Variants in NFX1 observed in about 807,000 individuals in gnomAD.
The protein encoded by NFX1 is transcriptional repressor NF-X1.
NFX1 carries 69 observed loss-of-function variants against 137.2 expected under a neutral mutation model. That is an observed-to-expected ratio of 0.50 (90% CI 0.41 to 0.61). NFX1 has a LOEUF of 0.61. Ranked by LOEUF, NFX1 falls within the 20% of genes least tolerant of loss-of-function variation. The probability of loss-of-function intolerance (pLI) is 0.00; values close to 1 mark genes in which losing one functional copy is unlikely to be tolerated. For missense variants in NFX1, 1,167 were observed against 1,391.0 expected (o/e 0.84, Z 2.56); for synonymous variants, 495 against 474.1 (o/e 1.04, Z -0.57).
chr9:33,364,465 C>T (rs189451953), intron 20 of NFX1, among the ~76,000 whole-genome samples: 2 of 152,338 alleles, frequency 1.3e-5, no homozygotes, highest in Admixed American at 6.5e-5. Flanking sequence ...GCTATAACAG[C>T]TCTTATTTTT....
intron 6 of NFX1, among the ~76,000 whole-genome samples, chr9:33,311,892 A>G (rs976447107): frequency 3.3e-5 from 5 of 152,122 alleles, no homozygotes; most frequent in African/African-American, 1.2e-4. Context: ...GGGTGACAGA[A>G]CCAGGAGTTG....
At chr9:33,319,178 G>T (rs746771449) in intron 9 of NFX1, 51 bp downstream of exon 9, 1 of 1,500,912 alleles carries the variant, frequency 6.7e-7, no homozygotes, top group Non-Finnish European at 9.2e-7. Context: ...TAAATGGTTG[G>T]CAGCAGTGAG....
At chr9:33,316,610 A>G (rs982015705) in intron 7 of NFX1, among the ~76,000 whole-genome samples, 1 of 152,168 alleles carries the variant, frequency 6.6e-6, no homozygotes, top group Non-Finnish European at 1.5e-5. Context: ...GGCCATGTAA[A>G]TAGTTTATCT....
Position 33,347,098 on chromosome 9 carries a change from G to C in NFX1, c.2405G>C (p.Trp802Ser), listed in dbSNP as rs749254119. The C allele has an allele frequency of 2.5e-6, 4 of 1,612,894 alleles. No individual in the cohort carries two copies. The highest frequency in any genetic ancestry group is 1.6e-4 in the Middle Eastern group (1 of 6,084). The change falls in exon 15 of 24, where the codon TGG becomes TCG. Residue 802 changes from tryptophan (W) to serine (S), a missense_variant. By Grantham distance (177) the Trp-to-Ser change is radical (BLOSUM62 -3). This residue lies in a region of NFX1 where 488 missense variants were observed against 691.5 expected (regional missense o/e 0.71). Coordinates refer to ENST00000379540, the MANE Select transcript of NFX1 (RefSeq NM_002504.6). ...CPPCTFLTQKWCMGKHEFRSN... is the reference protein window; with the variant it reads ...CPPCTFLTQKSCMGKHEFRSN... The stretch of plus-strand genomic sequence containing the variant: ...CCTTGCACTTTCCTAACTCAGAAGT[G>C]GTGCATGGGCAAGCATGAGGTAAGT...
chr9:33,312,432 A>C (rs1256115091), intron 6 of NFX1, among the ~76,000 whole-genome samples: 1 of 152,272 alleles, frequency 6.6e-6, no homozygotes, highest in Admixed American at 6.5e-5. Flanking sequence ...CAAGCTGATC[A>C]TTTATGTACA....
Position 33,290,731 on chromosome 9 carries a change from G to A in NFX1, c.25+134G>A, listed in dbSNP as rs368105486. On this transcript the variant is annotated intron_variant, in intron 1 of 23. Coordinates refer to ENST00000379540, the MANE Select transcript of NFX1 (RefSeq NM_002504.6). ...AGGGCGTAGGATAGTGGCTCGGAAG[G>A]GCCAAGCCCCGCGCATCGTGCGTAC... The A allele has an allele frequency of 6.9e-5, 56 of 815,022 alleles. No homozygotes were observed. In the East Asian group the frequency reaches 8.9e-4, roughly 13 times the overall value. 50.5% of individuals were successfully genotyped at this position (815,022 alleles called of 1,614,324 possible).
intron 7 of NFX1, among the ~76,000 whole-genome samples, chr9:33,315,949 C>G (rs1222752709): frequency 1.3e-5 from 2 of 151,696 alleles, no homozygotes; most frequent in Non-Finnish European, 2.9e-5. Flanking sequence ...GTGGGATCCA[C>G]GAAAACCAGT....
At chr9:33,331,289 TC>T (rs767188893) in intron 10 of NFX1, among the ~76,000 whole-genome samples, 1 of 152,386 alleles carries the variant, frequency 6.6e-6, no homozygotes, top group East Asian at 1.9e-4. Flanking sequence ...AAGTGAGTTT[TC>T]TAGATAAATA....
intron 15 of NFX1, among the ~76,000 whole-genome samples, chr9:33,348,978 A>C (rs532387317): frequency 3.3e-5 from 5 of 152,288 alleles, no homozygotes; most frequent in Admixed American, 3.3e-4. Flanking sequence ...AACATGCTAT[A>C]TTCTTTTATC....
At chr9:33,297,240 C>G (rs1412425784) in intron 2 of NFX1, among the ~76,000 whole-genome samples, 2 of 152,216 alleles carry the variant, frequency 1.3e-5, no homozygotes, top group African/African-American at 2.4e-5. Flanking sequence ...TGGACCTTCA[C>G]TATCTTAATC....
chr9:33,294,804 C>T lies in NFX1; in HGVS notation c.410C>T (p.Ser137Leu), dbSNP rs781481115. The change falls in exon 2 of 24, where the codon TCG becomes TTG. Residue 137 changes from serine to leucine, a missense_variant. Physicochemically the swap from Ser to Leu is moderately radical, Grantham distance 145. Around this residue, in one of 3 missense-constraint regions of NFX1, gnomAD observed 367 missense variants for 386.7 expected, o/e 0.95. Transcript: ENST00000379540. ...QTSDTAGLES[S>L]TRSESGTDLR... ...TCAGATACAGCTGGATTAGAGAGCT[C>T]GACCAGATCAGAGAGTGGGACAGAC... 6 of 1,613,980 alleles carry T rather than the reference C, an allele frequency of 3.7e-6. No individual in the cohort carries two copies. Among genetic ancestry groups the T allele is most frequent in the East Asian group, 2.2e-5 (1 of 44,882 alleles).
rs1015307430 is a variant in NFX1, at chr9:33,308,887, C to T, written c.1376+1588C>T. ...CCTTGTGATCAAGGCATGGTGGTGGCGCTGGGGAAATGTCAGTGGGGGTAG... is the reference window on the plus strand; with the variant it reads ...CCTTGTGATCAAGGCATGGTGGTGGTGCTGGGGAAATGTCAGTGGGGGTAG... On this transcript the variant is annotated intron_variant, in intron 5 of 23. Coordinates refer to ENST00000379540, the MANE Select transcript of NFX1 (RefSeq NM_002504.6). Among the ~76,000 whole-genome samples, 7 of 152,044 alleles carry T rather than the reference C, an allele frequency of 4.6e-5. No individual in the cohort carries two copies. In the East Asian group the frequency reaches 1.2e-3, roughly 25 times the overall value.
intron 23 of NFX1, 104 bp downstream of exon 23, chr9:33,367,723 C>CACCAA: frequency 9.4e-7 from 1 of 1,069,122 alleles, no homozygotes; most frequent in Non-Finnish European, 1.4e-6. Flanking sequence ...CTCCTCAGGC[C>CACCAA]TGGCCTTGGG....
chr9:33,355,715 G>A (rs775292133), intron 19 of NFX1, among the ~76,000 whole-genome samples: 3 of 147,604 alleles, frequency 2.0e-5, no homozygotes, highest in African/African-American at 2.5e-5. Context: ...CATGATCTTG[G>A]CTCACTGCCA....
At chr9:33,331,385 A>T (rs529190795) in intron 10 of NFX1, among the ~76,000 whole-genome samples, 2 of 152,348 alleles carry the variant, frequency 1.3e-5, no homozygotes, top group South Asian at 4.1e-4. Context: ...CTATGTCTTC[A>T]TAAAGCATGC....
At chr9:33,338,454 A>G in intron 11 of NFX1, 56 bp from the exon 12 acceptor site, 2 of 1,415,502 alleles carry the variant, frequency 1.4e-6, no homozygotes, top group Non-Finnish European at 2.0e-6. Flanking sequence ...TATTTGTTGT[A>G]TGAATGTTCA....
At chr9:33,334,693 CT>C (rs971454959) in intron 11 of NFX1, among the ~76,000 whole-genome samples, 5 of 152,146 alleles carry the variant, frequency 3.3e-5, no homozygotes, top group Non-Finnish European at 7.4e-5. Flanking sequence ...CTTATTTTCC[CT>C]CACTAATATC....
chr9:33,293,100 A>G (rs1821221274), intron 1 of NFX1, among the ~76,000 whole-genome samples: 1 of 152,190 alleles, frequency 6.6e-6, no homozygotes, highest in African/African-American at 2.4e-5. Context: ...TTTCTATGGT[A>G]CCCACTGCCC....
At chr9:33,309,532 G>A (rs1006556562) in intron 5 of NFX1, among the ~76,000 whole-genome samples, 24 of 152,270 alleles carry the variant, frequency 1.6e-4, no homozygotes, top group Non-Finnish European at 1.9e-4. Context: ...ACTTGACTTG[G>A]GAACTTTCTT....
Sources: gnomAD v4.1 joint callset for allele counts (sites outside exome capture counted in the v4.1 genomes callset) on GRCh38, gnomAD v4.1.1 for gene constraint, gnomAD v4.1.1 regional missense constraint, MANE v1.5 for transcripts, NCBI Gene and HGNC (gene_info 2026-07-23, HGNC 2026-07-21) for gene names.